SHOC1: variants seen among roughly 807,000 people sequenced by gnomAD.
SHOC1 encodes protein shortage in chiasmata 1 ortholog.
A neutral mutation model predicts 179.2 loss-of-function variants in SHOC1; 136 were observed. The observed-to-expected ratio is 0.76, with a 90% CI of 0.66 to 0.87. SHOC1 has a LOEUF of 0.87. SHOC1 is among the 40% of genes least tolerant of loss of function. The probability of loss-of-function intolerance (pLI) is 0.00; values close to 1 mark genes in which losing one functional copy is unlikely to be tolerated. For synonymous variants in SHOC1, 489 were observed against 586.6 expected (o/e 0.83, Z 2.41); for missense variants, 1,538 against 1,700.8 (o/e 0.90, Z 1.68).
At chr9:111,781,067 T>A in intron 3 of SHOC1, 50 bp from the exon 4 acceptor site, 2 of 1,256,662 alleles carry the variant, frequency 1.6e-6, no homozygotes, top group Non-Finnish European at 2.3e-6. Context: ...CTTTTACACT[T>A]AATTCAAGGA....
chr9:111,749,158 C>T (rs4145080), intron 8 of SHOC1, among the ~76,000 whole-genome samples: 124,196 of 151,966 alleles, frequency 0.82, 50,934 homozygotes, highest in East Asian at 0.92. Context: ...AAGACATAGA[C>T]TTTGTATTTT....
At chr9:111,733,698 T>C (rs1833692102) in intron 12 of SHOC1, among the ~76,000 whole-genome samples, 1 of 152,042 alleles carries the variant, frequency 6.6e-6, no homozygotes, top group Middle Eastern at 3.4e-3. Context: ...CGAAACCCCA[T>C]CTCTACTAAA....
At chr9:111,740,419 T>A (rs1025984458) in intron 11 of SHOC1, among the ~76,000 whole-genome samples, 1 of 152,166 alleles carries the variant, frequency 6.6e-6, no homozygotes, top group African/African-American at 2.4e-5. Context: ...CATTTAAAAA[T>A]TTTTTAAAAC....
Position 111,758,113 on chromosome 9 carries a change from T to C in SHOC1, c.679A>G (p.Lys227Glu). Residue 227 changes from lysine (K) to glutamate (E), a missense_variant, in exon 7 of 28, where the codon AAA becomes GAA. Physicochemically the swap from Lys to Glu is moderately conservative, Grantham distance 56. Coordinates refer to ENST00000682961, the MANE Select transcript of SHOC1 (RefSeq NM_001378211.1). ...CMDKVNFCQEKLEDTICLNEP... is the reference protein window; with the variant it reads ...CMDKVNFCQEELEDTICLNEP... The stretch of plus-strand genomic sequence containing the variant: ...TTTAAACATATTGTATCTTCTAGTT[T>C]CTCTTGACAAAAGTTCACTTTATCC... 1 of 1,567,662 alleles carries C rather than the reference T, an allele frequency of 6.4e-7. No homozygotes were observed.
At chr9:111,767,753 A>C (rs1302869371) in intron 5 of SHOC1, among the ~76,000 whole-genome samples, 1 of 152,178 alleles carries the variant, frequency 6.6e-6, no homozygotes, top group Non-Finnish European at 1.5e-5. Context: ...TAGGGATTGC[A>C]TTGAATCTGT....
At chr9:111,717,466 G>A (rs867316604) in intron 16 of SHOC1, among the ~76,000 whole-genome samples, 124 of 152,010 alleles carry the variant, frequency 8.2e-4, no homozygotes, top group African/African-American at 2.7e-3. Context: ...GGTGGCGGGC[G>A]CCTGTAATTC....
intron 5 of SHOC1, among the ~76,000 whole-genome samples, chr9:111,761,916 T>C (rs964831298): frequency 6.6e-6 from 1 of 152,194 alleles, no homozygotes; most frequent in Non-Finnish European, 1.5e-5. Flanking sequence ...TATTCAATGA[T>C]GATAATACTG....
In SHOC1 at chr9:111,691,858, G is replaced by A. The variant is rs554429439; in HGVS notation, c.4119C>T (p.Asn1373=). 6.8e-6 allele frequency: 11 copies of A among 1,613,732 alleles called. No individual in the cohort carries two copies. The South Asian group carries it at 8.8e-5, about 13-fold the overall frequency. ...NIWEQENHPF[N]LQYGAQQTAC... is the part of the protein sequence containing the mutation. Reference sequence around the variant, plus strand: ...CAGTCTGCTGTGCACCATATTGTAAGTTGAACGGGTGATTCTCTTGTTCCC... The same window carrying A: ...CAGTCTGCTGTGCACCATATTGTAAATTGAACGGGTGATTCTCTTGTTCCC... Residue 1373 remains asparagine (N), a synonymous_variant, in exon 27 of 28, where the codon AAC becomes AAT. Transcript: ENST00000682961.
intron 10 of SHOC1, 126 bp downstream of exon 10, chr9:111,746,108 G>A (rs1764163303): frequency 2.0e-6 from 1 of 507,360 alleles, no homozygotes; most frequent in Non-Finnish European, 3.5e-6. Context: ...ACTTATTACA[G>A]ACACTGTACT....
chr9:111,736,312 C>A (rs779214943), intron 12 of SHOC1, among the ~76,000 whole-genome samples: 11 of 152,148 alleles, frequency 7.2e-5, no homozygotes, highest in Non-Finnish European at 1.0e-4. Flanking sequence ...CTGATTCCAA[C>A]TATACTATAG....
chr9:111,686,761 TCTC>T lies in SHOC1; in HGVS notation c.*6_*8del, dbSNP rs749664103. On this transcript the variant is annotated 3_prime_UTR_variant, in exon 28 of 28. Coordinates refer to ENST00000682961, the MANE Select transcript of SHOC1 (RefSeq NM_001378211.1). ...GGAATATGGCATGTAACATTGCTCT[TCTC>T]CTCCTTCAAAAAAACCTCAGCCGAG... The T allele has an allele frequency of 1.9e-6, 3 of 1,576,392 alleles. No individual in the cohort carries two copies. Among genetic ancestry groups the T allele is most frequent in the Non-Finnish European group, 2.6e-6 (3 of 1,146,334 alleles).
intron 1 of SHOC1, among the ~76,000 whole-genome samples, chr9:111,792,462 C>T (rs1230911910): frequency 1.3e-5 from 2 of 151,930 alleles, no homozygotes; most frequent in African/African-American, 2.4e-5. Context: ...ATTAGCTGGG[C>T]GTGGTGGTGT....
chr9:111,717,731 G>T (rs577811164), intron 16 of SHOC1, among the ~76,000 whole-genome samples: 23 of 151,962 alleles, frequency 1.5e-4, no homozygotes, highest in African/African-American at 5.5e-4. Context: ...AAAATAGTTT[G>T]ATTTTATTAC....
chr9:111,713,124 T>C lies in SHOC1; in HGVS notation c.2464A>G (p.Ile822Val), dbSNP rs28551718. 1 of 1,572,194 alleles carries C rather than the reference T, an allele frequency of 6.4e-7. No homozygotes were observed. The highest frequency in any genetic ancestry group is 8.7e-7 in the Non-Finnish European group (1 of 1,146,464). Residue 822 changes from isoleucine to valine, a missense_variant, in exon 18 of 28, where the codon ATT (isoleucine) becomes GTT (valine). Coordinates refer to ENST00000682961, the MANE Select transcript of SHOC1 (RefSeq NM_001378211.1). ...MDSDGEKHFL[I>V]KILNKIEGLT... ...CCTTCTATTTTGTTAAGAATTTTAA[T>C]GAGAAAATGTTTTTCACCGTCTGAG...
intron 9 of SHOC1, 152 bp from the exon 10 acceptor site, chr9:111,746,494 G>T (rs370361149): frequency 1.2e-5 from 6 of 504,040 alleles, no homozygotes; most frequent in African/African-American, 9.6e-5. Flanking sequence ...AACATGGCAA[G>T]ATCAGTCTCT....
At chr9:111,740,462 G>A (rs10981043) in intron 11 of SHOC1, among the ~76,000 whole-genome samples, 28,817 of 152,074 alleles carry the variant, frequency 0.19, 2,924 homozygotes, top group Non-Finnish European at 0.22. Context: ...TTCCGTGATG[G>A]AATAGTTCAG....
intron 5 of SHOC1, among the ~76,000 whole-genome samples, chr9:111,761,768 T>C (rs10981058): frequency 0.24 from 37,082 of 152,064 alleles, 4,837 homozygotes; most frequent in African/African-American, 0.32. Flanking sequence ...TAAAGACCAG[T>C]AATTCTATTA....
intron 1 of SHOC1, among the ~76,000 whole-genome samples, chr9:111,791,915 T>C (rs1421604813): frequency 6.6e-6 from 1 of 150,680 alleles, no homozygotes; most frequent in Non-Finnish European, 1.5e-5. Context: ...ATTTCTCAAG[T>C]GGTCTTGAGA....
intron 22 of SHOC1, among the ~76,000 whole-genome samples, chr9:111,703,494 T>C (rs1296677564): frequency 6.6e-6 from 1 of 152,178 alleles, no homozygotes; most frequent in Non-Finnish European, 1.5e-5. Flanking sequence ...CTGTTTACAC[T>C]GGAAATGCAA....
Sources: gnomAD v4.1 joint callset for allele counts (sites outside exome capture counted in the v4.1 genomes callset) on GRCh38, gnomAD v4.1.1 for gene constraint, MANE v1.5 for transcripts, NCBI Gene and HGNC (gene_info 2026-07-23, HGNC 2026-07-21) for gene names.